Variants in CDH4 observed in about 807,000 individuals in gnomAD.
CDH4 encodes the protein cadherin-4.
Under a neutral mutation model 86.0 loss-of-function variants are expected in CDH4, and 33 were observed. That is an observed-to-expected ratio of 0.38 (90% confidence interval 0.29 to 0.51). The LOEUF (loss-of-function observed/expected upper bound fraction) is 0.51. Ranked by LOEUF, CDH4 falls within the 20% of genes least tolerant of loss-of-function variation. The pLI, the probability that CDH4 is intolerant of heterozygous loss-of-function variation, is 0.86. For missense variants in CDH4, 1,114 were observed against 1,307.4 expected, an observed-to-expected ratio of 0.85 and a Z score of 2.28; for synonymous variants, 555 against 549.4, an observed-to-expected ratio of 1.01 and a Z score of -0.14.
chr20:61,751,015 G>A (rs964202155), intron 3 of CDH4, among the ~76,000 whole-genome samples: 1 of 152,214 alleles, frequency 6.6e-6, no homozygotes, highest in Non-Finnish European at 1.5e-5. Flanking sequence ...GCTTATGTTA[G>A]AATATTGATT....
At chr20:61,828,322 C>T (rs566436440) in intron 4 of CDH4, among the ~76,000 whole-genome samples, 31 of 152,318 alleles carry the variant, frequency 2.0e-4, no homozygotes, top group African/African-American at 7.5e-4. Flanking sequence ...CCCCCCATTA[C>T]ACATGATCCT....
chr20:61,538,398 T>A (rs1852696291), intron 2 of CDH4, among the ~76,000 whole-genome samples: 1 of 152,154 alleles, frequency 6.6e-6, no homozygotes, highest in South Asian at 2.1e-4. Context: ...CAGACAGATT[T>A]GTTCTGCTCT....
chr20:61,670,767 G>A (rs2087377612), intron 2 of CDH4, among the ~76,000 whole-genome samples: 1 of 152,164 alleles, frequency 6.6e-6, no homozygotes, highest in South Asian at 2.1e-4. Flanking sequence ...TGAGGGAAAG[G>A]GATGGAAATG....
At chr20:61,431,966 T>TCATTGTG (rs2085249639) in intron 2 of CDH4, among the ~76,000 whole-genome samples, 2 of 152,186 alleles carry the variant, frequency 1.3e-5, no homozygotes, top group African/African-American at 4.8e-5. Flanking sequence ...TCTGTCCGCG[T>TCATTGTG]CATTGTGCGT....
intron 2 of CDH4, among the ~76,000 whole-genome samples, chr20:61,414,801 G>A (rs1447276641): frequency 1.3e-5 from 2 of 152,326 alleles, no homozygotes; most frequent in African/African-American, 2.4e-5. Context: ...TAGCAGAGCC[G>A]AGAGCTGTGT....
intron 2 of CDH4, among the ~76,000 whole-genome samples, chr20:61,719,922 A>G (rs749600902): frequency 1.7e-4 from 26 of 152,202 alleles, no homozygotes; most frequent in Non-Finnish European, 3.1e-4. Flanking sequence ...TGAACAGCAG[A>G]AAAGGTGATA....
At chr20:61,771,637 A>G (rs995692412) in intron 3 of CDH4, among the ~76,000 whole-genome samples, 6 of 151,640 alleles carry the variant, frequency 4.0e-5, no homozygotes, top group Non-Finnish European at 8.8e-5. Context: ...AAAAAAAAAA[A>G]AGGAAAAAAT....
intron 2 of CDH4, among the ~76,000 whole-genome samples, chr20:61,371,777 C>T (rs756581587): frequency 1.3e-5 from 2 of 152,226 alleles, no homozygotes; most frequent in Non-Finnish European, 2.9e-5. Flanking sequence ...GGCGAAGGCT[C>T]GAGTCCAGAA....
Position 61,398,717 on chromosome 20 carries a change from T to A in CDH4, c.169+143780T>A, listed in dbSNP as rs542748474. Among the ~76,000 whole-genome samples, 15 of 152,348 alleles carry A rather than the reference T, an allele frequency of 9.8e-5. No homozygotes were observed. The South Asian group carries it at 3.1e-3, about 32-fold the overall frequency. ...ATCTAAAAATATCTTCACCACCACA[T>A]TCAGGCTGGGTACCTAGGTCTGGGT... is the stretch of plus-strand genomic sequence containing the variant. On this transcript the variant is annotated intron_variant, in intron 2 of 15. Transcript: ENST00000614565.
intron 2 of CDH4, among the ~76,000 whole-genome samples, chr20:61,525,831 C>T (rs1206093351): frequency 6.6e-6 from 1 of 152,128 alleles, no homozygotes; most frequent in Admixed American, 6.5e-5. Context: ...TTAAGTCTCC[C>T]AGCTGCTGTG....
chr20:61,452,145 T>A (rs575932308), intron 2 of CDH4, among the ~76,000 whole-genome samples: 4 of 152,288 alleles, frequency 2.6e-5, no homozygotes, highest in Admixed American at 2.0e-4. Context: ...GGTGGAGGCT[T>A]GTGCTCAGGT....
intron 2 of CDH4, chr20:61,435,883 G>A (rs2085278765): frequency 8.9e-6 from 1 of 112,234 alleles, no homozygotes; most frequent in Admixed American, 9.2e-5. Flanking sequence ...TGGCCCATGT[G>A]CTGGGGAGGG....
At chr20:61,598,598 C>T (rs902158158) in intron 2 of CDH4, among the ~76,000 whole-genome samples, 1 of 152,164 alleles carries the variant, frequency 6.6e-6, no homozygotes, top group Non-Finnish European at 1.5e-5. Flanking sequence ...TCCAGAATCG[C>T]GTGTGGGGAG....
rs74333895 is a variant in CDH4, at chr20:61,584,226, G to T, written c.170-159337G>T. On this transcript the variant is annotated intron_variant, in intron 2 of 15. Transcript: ENST00000614565. ...CCTTCTAGTGGCTTTCCTACATCAAGTCTCTAAATGTTGCAGCCTCAGACA... is the reference window on the plus strand; with the variant it reads ...CCTTCTAGTGGCTTTCCTACATCAATTCTCTAAATGTTGCAGCCTCAGACA... 4.8e-3 allele frequency among the ~76,000 whole-genome samples: 725 copies of T among 152,260 alleles called. 14 individuals are homozygous for T. The highest frequency in any genetic ancestry group is 0.039 in the East Asian group (200 of 5,184).
intron 2 of CDH4, among the ~76,000 whole-genome samples, chr20:61,545,809 G>A (rs915798690): frequency 1.1e-4 from 17 of 150,854 alleles, no homozygotes; most frequent in Middle Eastern, 3.4e-3. Context: ...TGTGGGATAC[G>A]GTGCGTGTTC....
At chr20:61,442,880 T>C (rs1353928342) in intron 2 of CDH4, among the ~76,000 whole-genome samples, 3 of 152,250 alleles carry the variant, frequency 2.0e-5, no homozygotes, top group Non-Finnish European at 4.4e-5. Flanking sequence ...CCTCAGGGGC[T>C]GAATCACCCC....
intron 2 of CDH4, among the ~76,000 whole-genome samples, chr20:61,467,422 T>G (rs2085478927): frequency 6.6e-6 from 1 of 152,222 alleles, no homozygotes; most frequent in South Asian, 2.1e-4. Flanking sequence ...CTGTGGTCGT[T>G]TCTCTGAAAC....
At chr20:61,652,519 C>G (rs1485280398) in intron 2 of CDH4, among the ~76,000 whole-genome samples, 1 of 152,198 alleles carries the variant, frequency 6.6e-6, no homozygotes, top group Non-Finnish European at 1.5e-5. Flanking sequence ...TCATAAATAA[C>G]ATGGGGATGA....
At chr20:61,447,259 C>A (rs1172297242) in intron 2 of CDH4, among the ~76,000 whole-genome samples, 1 of 151,746 alleles carries the variant, frequency 6.6e-6, no homozygotes, top group Non-Finnish European at 1.5e-5. Context: ...TGGGTTCAAG[C>A]AATTCTCCTG....
Sources: gnomAD v4.1 joint callset for allele counts (sites outside exome capture counted in the v4.1 genomes callset) on GRCh38, gnomAD v4.1.1 for gene constraint, MANE v1.5 for transcripts, NCBI Gene and HGNC (gene_info 2026-07-23, HGNC 2026-07-21) for gene names.